The following MAML2 variants were observed in gnomAD, a reference collection of about 807,000 sequenced individuals.
MAML2 encodes mastermind like transcriptional coactivator 2.
MAML2 carries 22 observed loss-of-function variants against 96.1 expected under a neutral mutation model. The ratio of observed to expected loss-of-function variants is 0.23; its 90% CI spans 0.16 to 0.33. The LOEUF is 0.33. Ranked by LOEUF, MAML2 falls within the 10% of genes least tolerant of loss-of-function variation. The pLI is 1.00. For missense variants in MAML2, 1,367 were observed against 1,392.4 expected (o/e 0.98, Z 0.29); for synonymous variants, 561 against 521.3 (o/e 1.08, Z -1.04).
intron 2 of MAML2, among the ~76,000 whole-genome samples, chr11:95,999,769 G>C (rs932800032): frequency 6.6e-6 from 1 of 151,956 alleles, no homozygotes; most frequent in Non-Finnish European, 1.5e-5. Context: ...CTTTTTCTTG[G>C]CTTCTAGAGC....
intron 1 of MAML2, among the ~76,000 whole-genome samples, chr11:96,159,403 G>GCTTTTTTTTTTTTT (rs1861064193): frequency 1.7e-5 from 1 of 58,484 alleles, no homozygotes; most frequent in Non-Finnish European, 3.4e-5. Flanking sequence ...CTAAACCACT[G>GCTTTTTTTTTTTTT]ATTCTTTTTT....
chr11:96,236,456 T>C (rs1406530449), intron 1 of MAML2, among the ~76,000 whole-genome samples: 2 of 152,330 alleles, frequency 1.3e-5, no homozygotes, highest in African/African-American at 4.8e-5. Flanking sequence ...AACATTTTTT[T>C]CCCACATTCT....
intron 1 of MAML2, among the ~76,000 whole-genome samples, chr11:96,335,284 T>A (rs1258362859): frequency 6.6e-6 from 1 of 152,240 alleles, no homozygotes; most frequent in African/African-American, 2.4e-5. Context: ...ATGATTTTTT[T>A]AATAATGAGA....
intron 1 of MAML2, among the ~76,000 whole-genome samples, chr11:96,224,909 T>G (rs1862190757): frequency 6.6e-6 from 1 of 152,174 alleles, no homozygotes; most frequent in Non-Finnish European, 1.5e-5. Context: ...CAAAATGACA[T>G]TATTTATACT....
intron 2 of MAML2, among the ~76,000 whole-genome samples, chr11:96,015,289 A>G (rs542298837): frequency 2.0e-5 from 3 of 152,318 alleles, no homozygotes; most frequent in South Asian, 4.1e-4. Flanking sequence ...TAGGATCTGC[A>G]TTTGATATAG....
chr11:96,292,910 C>T (rs539598), intron 1 of MAML2, among the ~76,000 whole-genome samples: 40,013 of 150,582 alleles, frequency 0.27, 5,329 homozygotes, highest in East Asian at 0.32. Flanking sequence ...ACAAAAGAGG[C>T]ATATGTAGGT....
intron 1 of MAML2, among the ~76,000 whole-genome samples, chr11:96,331,038 G>A (rs1456155545): frequency 2.6e-5 from 4 of 152,196 alleles, no homozygotes. Flanking sequence ...GGGAGGCTGA[G>A]GTGGGTGGAT....
intron 1 of MAML2, among the ~76,000 whole-genome samples, chr11:96,213,445 C>T (rs908983489): frequency 1.3e-5 from 2 of 152,144 alleles, no homozygotes; most frequent in African/African-American, 4.8e-5. Flanking sequence ...ACCTTGAGAC[C>T]AAATTTAACA....
At chr11:96,252,742 A>G (rs760744790) in intron 1 of MAML2, among the ~76,000 whole-genome samples, 28 of 152,200 alleles carry the variant, frequency 1.8e-4, no homozygotes, top group Non-Finnish European at 3.8e-4. Flanking sequence ...AGACTTGTCC[A>G]AGGTCATATC....
At chr11:96,315,665 C>T (rs897987999) in intron 1 of MAML2, among the ~76,000 whole-genome samples, 34 of 152,114 alleles carry the variant, frequency 2.2e-4, no homozygotes, top group Non-Finnish European at 2.6e-4. Context: ...GTCAGAATGA[C>T]TCAATCTCAT....
intron 1 of MAML2, among the ~76,000 whole-genome samples, chr11:96,145,703 G>C (rs901280859): frequency 3.3e-5 from 5 of 152,110 alleles, no homozygotes; most frequent in African/African-American, 9.7e-5. Flanking sequence ...TGATGTGTGA[G>C]GGCTTTTAAA....
At chr11:96,254,407 T>G (rs76361349) in intron 1 of MAML2, among the ~76,000 whole-genome samples, 1 of 147,668 alleles carries the variant, frequency 6.8e-6, no homozygotes, top group Non-Finnish European at 1.5e-5. Context: ...TTTTTTTTTT[T>G]TGAACATGTA....
At chr11:96,002,315 A>C (rs1858090745) in intron 2 of MAML2, among the ~76,000 whole-genome samples, 1 of 152,238 alleles carries the variant, frequency 6.6e-6, no homozygotes, top group Admixed American at 6.5e-5. Flanking sequence ...TCCTGCTGTG[A>C]GGCACATGGT....
intron 1 of MAML2, among the ~76,000 whole-genome samples, chr11:96,337,527 G>C (rs1207268903): frequency 1.3e-5 from 2 of 152,140 alleles, no homozygotes; most frequent in Non-Finnish European, 2.9e-5. Context: ...AGCTTCCCAG[G>C]TCCATGCAGA....
chr11:96,082,688 G>A (rs1274352742), intron 2 of MAML2, among the ~76,000 whole-genome samples: 3 of 152,190 alleles, frequency 2.0e-5, no homozygotes, highest in African/African-American at 4.8e-5. Context: ...CATCCCTAAG[G>A]AGTATGGAGC....
chr11:96,255,535 T>C (rs17819648), intron 1 of MAML2, among the ~76,000 whole-genome samples: 14,045 of 152,270 alleles, frequency 0.092, 769 homozygotes, highest in South Asian at 0.15. Context: ...TTTCTCACTT[T>C]CACATTTTTC....
At chr11:96,075,059 T>A (rs1328727724) in intron 2 of MAML2, among the ~76,000 whole-genome samples, 1 of 152,254 alleles carries the variant, frequency 6.6e-6, no homozygotes, top group African/African-American at 2.4e-5. Context: ...AGAGCTTTAA[T>A]GCAAATCCAA....
At chr11:96,006,715 T>C (rs1858183574) in intron 2 of MAML2, among the ~76,000 whole-genome samples, 1 of 151,252 alleles carries the variant, frequency 6.6e-6, no homozygotes, top group Non-Finnish European at 1.5e-5. Flanking sequence ...CGTGCCACCA[T>C]ACCTGGCTAA....
chr11:96,251,529 T>G (rs1223597002), intron 1 of MAML2, among the ~76,000 whole-genome samples: 3 of 152,212 alleles, frequency 2.0e-5, no homozygotes, highest in African/African-American at 7.2e-5. Flanking sequence ...TGTATTGTTA[T>G]TAGTAGTAAG....
Sources: gnomAD v4.1 joint callset for allele counts (sites outside exome capture counted in the v4.1 genomes callset) on GRCh38, gnomAD v4.1.1 for gene constraint, MANE v1.5 for transcripts, NCBI Gene and HGNC (gene_info 2026-07-23, HGNC 2026-07-21) for gene names.